The following LSAMP variants were observed in gnomAD, a reference collection of about 807,000 sequenced individuals.
LSAMP encodes the protein limbic system-associated membrane protein.
In LSAMP, 7 loss-of-function variants were observed where a neutral mutation model predicts 38.6. The ratio of observed to expected loss-of-function variants is 0.18; its 90% confidence interval spans 0.10 to 0.34. The LOEUF (loss-of-function observed/expected upper bound fraction) is 0.34. Ranked by LOEUF, LSAMP falls within the 10% of genes least tolerant of loss-of-function variation. LSAMP has a pLI of 1.00. For missense variants in LSAMP, 313 were observed against 420.0 expected (o/e 0.75, Z 2.23); for synonymous variants, 154 against 166.8 (o/e 0.92, Z 0.59).
chr3:115,982,538 C>G (rs1386470159), intron 3 of LSAMP, among the ~76,000 whole-genome samples: 1 of 152,158 alleles, frequency 6.6e-6, no homozygotes, highest in East Asian at 1.9e-4. Context: ...TGAAGTAGGA[C>G]CCAAGAGGTC....
intron 2 of LSAMP, among the ~76,000 whole-genome samples, chr3:116,025,748 C>T (rs990774594): frequency 3.3e-5 from 5 of 152,074 alleles, no homozygotes; most frequent in African/African-American, 1.2e-4. Flanking sequence ...GTGCTACCAA[C>T]CTGGCCAGCC....
intron 1 of LSAMP, among the ~76,000 whole-genome samples, chr3:116,405,784 G>A (rs1471541585): frequency 6.6e-6 from 1 of 152,096 alleles, no homozygotes; most frequent in East Asian, 1.9e-4. Flanking sequence ...TTTGAAACCT[G>A]CCCATGATCA....
At chr3:116,368,779 A>T (rs1364302757) in intron 1 of LSAMP, among the ~76,000 whole-genome samples, 4 of 152,230 alleles carry the variant, frequency 2.6e-5, no homozygotes, top group Non-Finnish European at 5.9e-5. Flanking sequence ...GATATGTTAT[A>T]ATAGAGATCA....
intron 1 of LSAMP, among the ~76,000 whole-genome samples, chr3:116,172,135 A>G (rs1443711793): frequency 3.3e-5 from 5 of 151,990 alleles, no homozygotes; most frequent in East Asian, 3.9e-4. Context: ...ATAAATATCA[A>G]TTGAGCTTCT....
intron 1 of LSAMP, among the ~76,000 whole-genome samples, chr3:116,211,737 G>T (rs1042533411): frequency 1.3e-5 from 2 of 152,258 alleles, no homozygotes; most frequent in East Asian, 1.9e-4. Context: ...GAACTTAAAA[G>T]AACTAGTCAG....
intron 1 of LSAMP, among the ~76,000 whole-genome samples, chr3:116,317,986 A>G (rs967192220): frequency 2.6e-5 from 4 of 151,554 alleles, no homozygotes; most frequent in Non-Finnish European, 4.4e-5. Flanking sequence ...AAGTAGAAAA[A>G]TTAGCCAGGC....
chr3:116,117,513 C>A (rs2107481825), intron 1 of LSAMP, among the ~76,000 whole-genome samples: 1 of 152,206 alleles, frequency 6.6e-6, no homozygotes, highest in Non-Finnish European at 1.5e-5. Context: ...ACATTCATAC[C>A]TTATTTACAT....
chr3:116,002,331 G>GA (rs113984501), intron 3 of LSAMP, among the ~76,000 whole-genome samples: 11 of 150,380 alleles, frequency 7.3e-5, no homozygotes, highest in African/African-American at 1.9e-4. Flanking sequence ...AGCATAAAAG[G>GA]AAAAAAAAAG....
At chr3:116,193,221 A>T (rs1450272535) in intron 1 of LSAMP, among the ~76,000 whole-genome samples, 1 of 152,330 alleles carries the variant, frequency 6.6e-6, no homozygotes. Flanking sequence ...AAGGTTAAAC[A>T]GGGATAGTAA....
chr3:116,409,639 A>G (rs1238034839), intron 1 of LSAMP, among the ~76,000 whole-genome samples: 1 of 152,030 alleles, frequency 6.6e-6, no homozygotes, highest in African/African-American at 2.4e-5. Flanking sequence ...CTATCATTTA[A>G]TTACTCCATA....
intron 1 of LSAMP, among the ~76,000 whole-genome samples, chr3:116,104,812 T>C (rs1261745919): frequency 6.6e-6 from 1 of 152,174 alleles, no homozygotes; most frequent in Admixed American, 6.5e-5. Context: ...GGGACCTAAA[T>C]CTACACAAAA....
chr3:116,445,109 A>T lies in LSAMP; in HGVS notation c.-78T>A. 1 of 1,439,962 alleles carries T rather than the reference A, an allele frequency of 6.9e-7. No homozygotes were observed. The highest frequency in any genetic ancestry group is 9.4e-7 in the Non-Finnish European group (1 of 1,059,308). 89.2% of individuals were successfully genotyped at this position (1,439,962 alleles called of 1,614,324 possible). ...GCTCGCGAGGAGAGGCTTCACCAAC[A>T]CGGGGCTTTCATCCACAGCGAGCGC... On this transcript the variant is annotated 5_prime_UTR_variant, in exon 1 of 7. Transcript: ENST00000490035.
intron 1 of LSAMP, among the ~76,000 whole-genome samples, chr3:116,314,278 C>A (rs62271411): frequency 2.6e-5 from 4 of 152,020 alleles, no homozygotes; most frequent in Admixed American, 6.5e-5. Flanking sequence ...CGCTAATTTG[C>A]GAAACTGAAT....
intron 3 of LSAMP, among the ~76,000 whole-genome samples, chr3:115,862,928 A>G (rs1315244979): frequency 6.6e-6 from 1 of 152,208 alleles, no homozygotes; most frequent in African/African-American, 2.4e-5. Context: ...AGAGAAAAGA[A>G]GAGAGCACTT....
At chr3:116,389,950 T>C (rs907791535) in intron 1 of LSAMP, among the ~76,000 whole-genome samples, 3 of 152,198 alleles carry the variant, frequency 2.0e-5, no homozygotes, top group Non-Finnish European at 2.9e-5. Flanking sequence ...TACTGCTGCA[T>C]AATGTATAGT....
intron 1 of LSAMP, among the ~76,000 whole-genome samples, chr3:116,121,493 G>A (rs1708875183): frequency 6.6e-6 from 1 of 152,122 alleles, no homozygotes; most frequent in South Asian, 2.1e-4. Flanking sequence ...GGCAATGTTG[G>A]TTTGGGAACA....
At chr3:116,319,708 T>C (rs2047681313) in intron 1 of LSAMP, among the ~76,000 whole-genome samples, 1 of 152,144 alleles carries the variant, frequency 6.6e-6, no homozygotes, top group South Asian at 2.1e-4. Context: ...TTAATTCCCT[T>C]TCTTGCTGCT....
intron 1 of LSAMP, among the ~76,000 whole-genome samples, chr3:116,244,833 G>T (rs1032083094): frequency 1.3e-5 from 2 of 152,100 alleles, no homozygotes; most frequent in Admixed American, 1.3e-4. Flanking sequence ...ACTGAATTTT[G>T]TTGATCTTAC....
At chr3:116,311,675 A>G (rs577383655) in intron 1 of LSAMP, among the ~76,000 whole-genome samples, 14 of 152,296 alleles carry the variant, frequency 9.2e-5, no homozygotes, top group African/African-American at 3.4e-4. Flanking sequence ...GGAAATTATA[A>G]AACTTTTGAG....
Sources: allele counts gnomAD v4.1 joint callset (sites outside exome capture counted in the v4.1 genomes callset), GRCh38; gene constraint gnomAD v4.1.1; transcripts MANE v1.5; gene names NCBI Gene and HGNC (gene_info 2026-07-23, HGNC 2026-07-21).